MAT1A: variants seen among roughly 807,000 people sequenced by gnomAD.
MAT1A encodes S-adenosylmethionine synthase isoform type-1.
Under a neutral mutation model 44.0 loss-of-function variants are expected in MAT1A, and 19 were observed. The observed-to-expected ratio is 0.43, with a 90% CI of 0.30 to 0.63. The LOEUF (loss-of-function observed/expected upper bound fraction) is 0.63. MAT1A is among the 30% of genes least tolerant of loss of function. MAT1A has a pLI of 0.12. For synonymous variants in MAT1A, 205 were observed against 205.6 expected (o/e 1.00, Z 0.03); for missense variants, 397 against 531.0 (o/e 0.75, Z 2.48).
intron 3 of MAT1A, among the ~76,000 whole-genome samples, chr10:80,282,260 G>C (rs1841577038): frequency 6.6e-6 from 1 of 152,158 alleles, no homozygotes; most frequent in Admixed American, 6.5e-5. Context: ...AAGAGGGGAG[G>C]TACAGGACTT....
chr10:80,284,522 T>C (rs1841615579), intron 2 of MAT1A, among the ~76,000 whole-genome samples: 1 of 152,176 alleles, frequency 6.6e-6, no homozygotes, highest in Admixed American at 6.5e-5. Flanking sequence ...AAGGGTAGAA[T>C]CTACCTTCAG....
At chr10:80,283,808 G>C (rs1841601787) in intron 3 of MAT1A, 108 bp downstream of exon 3, 19 of 1,520,648 alleles carry the variant, frequency 1.2e-5, no homozygotes, top group Non-Finnish European at 1.7e-5. Flanking sequence ...TTTTCCTCCT[G>C]GTAGTATTGA....
At chr10:80,283,123 G>A (rs1039265551) in intron 3 of MAT1A, among the ~76,000 whole-genome samples, 2 of 152,186 alleles carry the variant, frequency 1.3e-5, no homozygotes, top group Admixed American at 6.5e-5. Context: ...TCTAAGAATT[G>A]GGGCCAGAGC....
chr10:80,285,450 T>C, intron 2 of MAT1A, 62 bp downstream of exon 2: 1 of 1,349,964 alleles, frequency 7.4e-7, no homozygotes, highest in Non-Finnish European at 1.1e-6. Flanking sequence ...CTTATACCCA[T>C]GATTAATTTC....
chr10:80,275,147 C>T lies in MAT1A; in HGVS notation c.821G>A (p.Trp274Ter), dbSNP rs1224418681. 1 of 1,613,328 alleles carries T rather than the reference C, an allele frequency of 6.2e-7. No individual in the cohort carries two copies. The highest frequency in any genetic ancestry group is 1.7e-5 in the Admixed American group (1 of 59,948). Residue 274 changes from tryptophan to a stop codon, truncating the protein, a stop_gained, in exon 7 of 9, where the codon TGG becomes TAG. Transcript: ENST00000372213. LOFTEE classifies it high-confidence loss of function. ...GAAGGCCCCACCACCATGAGCCCCCCAGCCGCCATAGGTGTCCACAATAAT... is the reference window on the plus strand; with the variant it reads ...GAAGGCCCCACCACCATGAGCCCCCTAGCCGCCATAGGTGTCCACAATAAT... The part of the protein sequence containing the change: ...RKIIVDTYGG[W>*]GAHGGGAFSG...
chr10:80,273,669 T>C lies in MAT1A; in HGVS notation c.*112A>G. On this transcript the variant is annotated 3_prime_UTR_variant, in exon 9 of 9. Coordinates refer to ENST00000372213, the MANE Select transcript of MAT1A (RefSeq NM_000429.3). The stretch of plus-strand genomic sequence containing the variant: ...CAGGCTAAATGAGAGGGACCTGGCT[T>C]TGCCCTGAGGGTTGGTGGGTGGGGA... 1.2e-6 allele frequency: 1 copy of C among 819,122 alleles called. No homozygotes were observed. The highest frequency in any genetic ancestry group is 2.2e-6 in the Non-Finnish European group (1 of 458,564). 50.7% of individuals were successfully genotyped at this position (819,122 alleles called of 1,614,324 possible). A position where few individuals can be genotyped will look rare whatever the true frequency, so the allele number is the denominator to read the frequency against.
chr10:80,287,959 G>T (rs1841668227), intron 1 of MAT1A, among the ~76,000 whole-genome samples: 1 of 152,152 alleles, frequency 6.6e-6, no homozygotes, highest in Non-Finnish European at 1.5e-5. Flanking sequence ...ATACATGGCA[G>T]TAGCACCTTA....
intron 6 of MAT1A, 27 bp from the exon 7 acceptor site, chr10:80,275,226 G>A: frequency 6.3e-7 from 1 of 1,599,654 alleles, no homozygotes. Flanking sequence ...ATCAAGATAA[G>A]AAGCAGAGCC....
At chr10:80,284,259 G>A (rs1180527369) in intron 2 of MAT1A, among the ~76,000 whole-genome samples, 2 of 152,230 alleles carry the variant, frequency 1.3e-5, no homozygotes, top group South Asian at 2.1e-4. Flanking sequence ...GTCATAAGCT[G>A]TGATCCTGGA....
rs181877078 is a variant in MAT1A, at chr10:80,274,290, C to T, written c.1085+230G>A. On this transcript the variant is annotated intron_variant, in intron 8 of 8. Transcript: ENST00000372213. ...CTGCCTCCCAGTTGCTCAGAGATGG[C>T]CCCACTGGAGTTGGTGTTGACTGGG... is the stretch of plus-strand genomic sequence containing the variant. 1.2e-4 allele frequency among the ~76,000 whole-genome samples: 18 copies of T among 152,312 alleles called. No individual in the cohort carries two copies. In the East Asian group the frequency reaches 3.5e-3, roughly 29 times the overall value.
chr10:80,277,069 G>A (rs1589480871), intron 5 of MAT1A, among the ~76,000 whole-genome samples: 1 of 152,220 alleles, frequency 6.6e-6, no homozygotes, highest in South Asian at 2.1e-4. Flanking sequence ...CTGACCTGGA[G>A]CTGCATGGGC....
At chr10:80,276,070 G>A (rs888071999) in intron 6 of MAT1A, among the ~76,000 whole-genome samples, 1 of 152,174 alleles carries the variant, frequency 6.6e-6, no homozygotes, top group African/African-American at 2.4e-5. Context: ...AGCAGGGTGA[G>A]GTGCAGCAGC....
chr10:80,280,167 G>A lies in MAT1A; in HGVS notation c.549+6C>T, dbSNP rs984670858. The A allele has an allele frequency of 1.2e-6, 2 of 1,613,898 alleles. No homozygotes were observed. The highest frequency in any genetic ancestry group is 1.7e-6 in the Non-Finnish European group (2 of 1,180,018). On this transcript the variant is annotated splice_donor_region_variant and intron_variant, in intron 5 of 8. Transcript: ENST00000372213. ...AGGGCTCTCCTGGGGTAATTCAGCTGCTCACCTGAGTCTTAGAGTCAGGCC... is the reference window on the plus strand; with the variant it reads ...AGGGCTCTCCTGGGGTAATTCAGCTACTCACCTGAGTCTTAGAGTCAGGCC...
At chr10:80,289,300 C>G (rs201884805) in intron 1 of MAT1A, 33 bp downstream of exon 1, 2 of 1,558,900 alleles carry the variant, frequency 1.3e-6, no homozygotes, top group Non-Finnish European at 1.8e-6. Flanking sequence ...TTGGAATGAT[C>G]GTTTTCCAGT....
At chr10:80,277,848 C>T (rs1301889055) in intron 5 of MAT1A, among the ~76,000 whole-genome samples, 1 of 152,258 alleles carries the variant, frequency 6.6e-6, no homozygotes, top group Non-Finnish European at 1.5e-5. Flanking sequence ...GAAAAACACA[C>T]CATGGAAAAC....
At position 80,273,225 on chromosome 10, in the gene MAT1A, GA is replaced by G. The variant is rs1178027576; in HGVS notation, c.*555del. 6.1e-6 allele frequency: 1 copy of G among 163,010 alleles called. No individual in the cohort carries two copies. The highest frequency in any genetic ancestry group is 2.4e-5 in the African/African-American group (1 of 41,560). The allele number at this position is 163,010 out of a possible 1,614,324, so 10.1% of individuals were successfully genotyped here. On this transcript the variant is annotated 3_prime_UTR_variant, in exon 9 of 9. Transcript: ENST00000372213. ...CATCATGTTGCAGTGAAGAAAAAACGAGATCAGTTATTAGCTGGGTCCCTCG... is the reference window on the plus strand; with the variant it reads ...CATCATGTTGCAGTGAAGAAAAAACGGATCAGTTATTAGCTGGGTCCCTCG...
intron 4 of MAT1A, 94 bp from the exon 5 acceptor site, chr10:80,280,410 G>A (rs961837464): frequency 8.5e-5 from 126 of 1,481,368 alleles, no homozygotes; most frequent in Non-Finnish European, 1.1e-4. Context: ...TGTCCACGTT[G>A]ATTGGGTGCC....
At chr10:80,287,037 T>A (rs1841659105) in intron 1 of MAT1A, among the ~76,000 whole-genome samples, 1 of 152,234 alleles carries the variant, frequency 6.6e-6, no homozygotes, top group Non-Finnish European at 1.5e-5. Flanking sequence ...CTTCTACCAC[T>A]GAAGGCCTCT....
chr10:80,289,399 A>G lies in MAT1A; in HGVS notation c.25T>C (p.Cys9Arg), dbSNP rs530273395. The G allele has an allele frequency of 1.6e-5, 26 of 1,614,066 alleles. No individual in the cohort carries two copies. The highest frequency in any genetic ancestry group is 2.1e-5 in the Non-Finnish European group (25 of 1,180,012). MNGPVDGL[C>R]DHSLSEGVFM... Reference sequence around the variant, plus strand: ...ACTCCTTCACTTAGAGAGTGGTCACACAAGCCATCCACCGGTCCATTCATC... The same window carrying G: ...ACTCCTTCACTTAGAGAGTGGTCACGCAAGCCATCCACCGGTCCATTCATC... Residue 9 changes from cysteine (C) to arginine (R), a missense_variant, in exon 1 of 9, where the codon TGT becomes CGT. Coordinates refer to ENST00000372213, the MANE Select transcript of MAT1A (RefSeq NM_000429.3).
Sources: allele counts gnomAD v4.1 joint callset (sites outside exome capture counted in the v4.1 genomes callset), GRCh38; gene constraint gnomAD v4.1.1; transcripts MANE v1.5; gene names NCBI Gene and HGNC (gene_info 2026-07-23, HGNC 2026-07-21).